FAM83B: variants seen among roughly 807,000 people sequenced by gnomAD.
The protein encoded by FAM83B is protein FAM83B.
In FAM83B, 26 loss-of-function variants were observed where a neutral mutation model predicts 38.8. The ratio of observed to expected loss-of-function variants is 0.67; its 90% CI spans 0.49 to 0.93. The LOEUF (loss-of-function observed/expected upper bound fraction) is 0.93. Ranked by LOEUF, FAM83B falls within the 40% of genes least tolerant of loss-of-function variation. FAM83B has a pLI of 0.00. For synonymous variants in FAM83B, 419 were observed against 423.1 expected (o/e 0.99, Z 0.12); for missense variants, 1,237 against 1,197.3 (o/e 1.03, Z -0.49).
In FAM83B at chr6:54,941,205, A is replaced by C; in HGVS notation, c.2234A>C (p.Asp745Ala). Residue 745 changes from aspartate to alanine, a missense_variant, in exon 5 of 5, where the codon GAT becomes GCT. Physicochemically the swap from Asp to Ala is moderately radical, Grantham distance 126 (BLOSUM62 -2). Transcript: ENST00000306858. ...TCAGTTTCCATTGCTGCTTTACTTGATGTGAATAAAGAGGAATCTAACAAA... is the reference window on the plus strand; with the variant it reads ...TCAGTTTCCATTGCTGCTTTACTTGCTGTGAATAAAGAGGAATCTAACAAA... ...TKSVSIAALL[D>A]VNKEESNKEL... The C allele has an allele frequency of 6.2e-7, 1 of 1,614,048 alleles. No homozygotes were observed. The highest frequency in any genetic ancestry group is 8.5e-7 in the Non-Finnish European group (1 of 1,179,978).
chr6:54,887,692 T>TG (rs1772310317), intron 2 of FAM83B, among the ~76,000 whole-genome samples: 1 of 151,512 alleles, frequency 6.6e-6, no homozygotes, highest in East Asian at 1.9e-4. Context: ...AACTTCTTTA[T>TG]AATTTACTCA....
At chr6:54,932,394 C>T (rs1428518208) in intron 4 of FAM83B, among the ~76,000 whole-genome samples, 1 of 152,144 alleles carries the variant, frequency 6.6e-6, no homozygotes, top group Non-Finnish European at 1.5e-5. Flanking sequence ...ACCTTTATAG[C>T]TCTATTCCTC....
chr6:54,941,714 TCTC>T lies in FAM83B; in HGVS notation c.2745_2747del (p.Pro916del), dbSNP rs751562781. The stretch of plus-strand genomic sequence containing the variant: ...TACCCCTGAAAGAAGACCTACTTCT[TCTC>T]CAAGGCCAACGTCCAGTGAGCTTCT... On this transcript the variant is annotated inframe_deletion, in exon 5 of 5. Coordinates refer to ENST00000306858, the MANE Select transcript of FAM83B (RefSeq NM_001010872.3). The T allele has an allele frequency of 1.4e-5, 22 of 1,613,964 alleles. No individual in the cohort carries two copies. Among genetic ancestry groups the T allele is most frequent in the Admixed American group, 1.0e-4 (6 of 59,972 alleles).
At chr6:54,856,145 A>G (rs1182382622) in intron 1 of FAM83B, among the ~76,000 whole-genome samples, 1 of 152,200 alleles carries the variant, frequency 6.6e-6, no homozygotes, top group Non-Finnish European at 1.5e-5. Flanking sequence ...TGTCTTTGAA[A>G]TCAGTTAGAA....
rs146308738 is a variant in FAM83B, at chr6:54,940,039, C to A, written c.1068C>A (p.His356Gln). Residue 356 changes from histidine to glutamine, a missense_variant, in exon 5 of 5, where the codon CAC (histidine) becomes CAA (glutamine). Coordinates refer to ENST00000306858, the MANE Select transcript of FAM83B (RefSeq NM_001010872.3). ...NEHDKYNIRS[H>Q]GYKPHFVPNF... ...ATGACAAATATAACATAAGAAGTCACGGATACAAACCTCATTTTGTTCCTA... is the reference window on the plus strand; with the variant it reads ...ATGACAAATATAACATAAGAAGTCAAGGATACAAACCTCATTTTGTTCCTA... 530 of 1,613,888 alleles carry A rather than the reference C, an allele frequency of 3.3e-4. 8 individuals carry two copies. The South Asian group carries it at 5.5e-3, about 17-fold the overall frequency.
chr6:54,901,685 G>T lies in FAM83B; in HGVS notation c.445-24686G>T, dbSNP rs1030549765. On this transcript the variant is annotated intron_variant, in intron 2 of 4. Transcript: ENST00000306858. ...TGCTGGTTGAAGTTATGCGGTCAAGGTACTAAGCTCTTTCTTGCAATGACC... is the reference window on the plus strand; with the variant it reads ...TGCTGGTTGAAGTTATGCGGTCAAGTTACTAAGCTCTTTCTTGCAATGACC... 8.5e-5 allele frequency among the ~76,000 whole-genome samples: 13 copies of T among 152,162 alleles called. 1 individual carries two copies. In the South Asian group the frequency reaches 2.5e-3, roughly 29 times the overall value.
chr6:54,931,939 C>T (rs942281332), intron 4 of FAM83B, among the ~76,000 whole-genome samples: 1 of 147,822 alleles, frequency 6.8e-6, no homozygotes, highest in African/African-American at 2.5e-5. Flanking sequence ...CTTTGATTAT[C>T]ATCTCATTTC....
chr6:54,890,000 T>C (rs1561915665), intron 2 of FAM83B, among the ~76,000 whole-genome samples: 1 of 152,044 alleles, frequency 6.6e-6, no homozygotes, highest in East Asian at 1.9e-4. Context: ...TAAACTTGTT[T>C]AAAAAATATA....
intron 2 of FAM83B, among the ~76,000 whole-genome samples, chr6:54,879,524 G>C (rs1772075859): frequency 6.6e-6 from 1 of 152,144 alleles, no homozygotes; most frequent in Non-Finnish European, 1.5e-5. Context: ...TTTTTTAACA[G>C]GCCATTTAGA....
intron 2 of FAM83B, among the ~76,000 whole-genome samples, chr6:54,891,500 C>A (rs1420290214): frequency 6.6e-6 from 1 of 152,132 alleles, no homozygotes; most frequent in African/African-American, 2.4e-5. Flanking sequence ...TTTCTTACTG[C>A]TGCTTTCTAC....
intron 2 of FAM83B, among the ~76,000 whole-genome samples, chr6:54,884,299 TAAAAAAAAAAA>T (rs70983475): frequency 6.1e-5 from 5 of 82,300 alleles, no homozygotes; most frequent in African/African-American, 2.8e-4. Context: ...AGACCCCGTC[TAAAAAAAAAAA>T]AAAAAAAAGA....
intron 2 of FAM83B, among the ~76,000 whole-genome samples, chr6:54,921,365 G>C (rs796321816): frequency 6.6e-6 from 1 of 151,018 alleles, no homozygotes; most frequent in Non-Finnish European, 1.5e-5. Flanking sequence ...GGTGTCCTCC[G>C]GGGTCTGGGT....
chr6:54,918,539 G>A (rs566593866), intron 2 of FAM83B, among the ~76,000 whole-genome samples: 1 of 152,224 alleles, frequency 6.6e-6, no homozygotes, highest in African/African-American at 2.4e-5. Context: ...GCAGCAACTA[G>A]GAGAAGTGTA....
intron 2 of FAM83B, among the ~76,000 whole-genome samples, chr6:54,883,219 A>C (rs1772177560): frequency 6.6e-6 from 1 of 152,144 alleles, no homozygotes; most frequent in South Asian, 2.1e-4. Flanking sequence ...CTGGGATTAC[A>C]GGCGTGAGCC....
chr6:54,902,821 T>C (rs1772692420), intron 2 of FAM83B, among the ~76,000 whole-genome samples: 1 of 152,190 alleles, frequency 6.6e-6, no homozygotes, highest in South Asian at 2.1e-4. Context: ...CTGTACTTGC[T>C]CTCTCTCTGT....
chr6:54,924,590 T>C (rs754802378), intron 2 of FAM83B, among the ~76,000 whole-genome samples: 23 of 151,910 alleles, frequency 1.5e-4, no homozygotes, highest in Admixed American at 6.6e-4. Context: ...GTGTTCAGTA[T>C]TCCACCTGCC....
intron 4 of FAM83B, among the ~76,000 whole-genome samples, chr6:54,931,152 A>G (rs1773411334): frequency 6.6e-6 from 1 of 152,162 alleles, no homozygotes; most frequent in Non-Finnish European, 1.5e-5. Context: ...TTCTGTTGCA[A>G]GTAAGATACT....
chr6:54,919,806 A>C (rs1219134453), intron 2 of FAM83B, among the ~76,000 whole-genome samples: 1 of 152,006 alleles, frequency 6.6e-6, no homozygotes, highest in African/African-American at 2.4e-5. Context: ...TTTATCCATC[A>C]TAATATGGAG....
rs544077868 is a variant in FAM83B at position 54,909,412 on chromosome 6, G to A, written c.445-16959G>A. ...TGCGGTTCTTGCCATTACTTTCAGT[G>A]GTGAAACCGCAATTACTTCTGCACC... On this transcript the variant is annotated intron_variant, in intron 2 of 4. Transcript: ENST00000306858. Among the ~76,000 whole-genome samples the A allele has an allele frequency of 2.0e-5, 3 of 152,124 alleles. No homozygotes were observed. In the East Asian group the frequency reaches 5.8e-4, roughly 29 times the overall value.
Sources: allele counts gnomAD v4.1 joint callset (sites outside exome capture counted in the v4.1 genomes callset), GRCh38; gene constraint gnomAD v4.1.1; transcripts MANE v1.5; gene names NCBI Gene and HGNC (gene_info 2026-07-23, HGNC 2026-07-21).